Variants in TTC23L observed in about 807,000 individuals in gnomAD.
TTC23L encodes the protein tetratricopeptide repeat protein 23-like.
A neutral mutation model predicts 48.1 loss-of-function variants in TTC23L; 42 were observed. The ratio of observed to expected loss-of-function variants is 0.87; its 90% CI spans 0.68 to 1.13. TTC23L has a LOEUF of 1.13. Among genes scored for constraint, TTC23L ranks in the 50% most tolerant of loss-of-function variants. The pLI, the probability that TTC23L is intolerant of heterozygous loss-of-function variation, is 0.00. For synonymous variants in TTC23L, 159 were observed against 157.2 expected (o/e 1.01, Z -0.09); for missense variants, 391 against 421.0 (o/e 0.93, Z 0.62).
At chr5:34,872,195 G>A (rs185429064) in intron 8 of TTC23L, among the ~76,000 whole-genome samples, 24 of 152,194 alleles carry the variant, frequency 1.6e-4, no homozygotes, top group Middle Eastern at 3.4e-3. Context: ...GGCTGAAATA[G>A]GAGGATTGCT....
downstream of TTC23L, among the ~76,000 whole-genome samples, chr5:34,902,628 A>C (rs1340124892): frequency 6.6e-6 from 1 of 152,174 alleles, no homozygotes; most frequent in East Asian, 1.9e-4. Flanking sequence ...GCTGTGGCAG[A>C]AGCACACATA....
chr5:34,873,092 C>T (rs1168772583), intron 8 of TTC23L, among the ~76,000 whole-genome samples: 2 of 151,604 alleles, frequency 1.3e-5, no homozygotes, highest in Non-Finnish European at 2.9e-5. Context: ...AAAAAAGGAC[C>T]GGACTATATC....
chr5:34,852,137 A>C (rs1759724931), intron 4 of TTC23L, among the ~76,000 whole-genome samples: 1 of 152,102 alleles, frequency 6.6e-6, no homozygotes, highest in Admixed American at 6.6e-5. Context: ...CTCCCACCTC[A>C]GCCTCCCAAA....
At chr5:34,910,034 C>T in the TTC23L span, among the ~76,000 whole-genome samples, 3 of 152,078 alleles carry the variant, frequency 2.0e-5, no homozygotes, top group African/African-American at 4.8e-5. Context: ...TCTCTCTGAC[C>T]CGTCTCATCC....
chr5:34,922,188 T>G, the TTC23L span: 10 of 1,284,052 alleles, frequency 7.8e-6, no homozygotes, highest in Non-Finnish European at 1.1e-5. Flanking sequence ...TATTATCTAC[T>G]TCATTTTCCT....
chr5:34,911,949 G>C, the TTC23L span: 1 of 1,029,330 alleles, frequency 9.7e-7, no homozygotes, highest in Non-Finnish European at 1.4e-6. Context: ...CTCATAAAAA[G>C]GGATGACATC....
intron 4 of TTC23L, 51 bp downstream of exon 4, chr5:34,850,359 C>G: frequency 6.2e-7 from 1 of 1,609,518 alleles, no homozygotes. Flanking sequence ...GAAGGCTGAA[C>G]TGACCCACAC....
At chr5:34,880,240 G>C in exon 9 of TTC23L, 1 of 1,613,602 alleles carries the variant, frequency 6.2e-7, no homozygotes, top group Non-Finnish European at 8.5e-7. Context: ...ATTGGGCTCA[G>C]AGGATTTTGA....
chr5:34,891,776 G>A (rs1762881539), intron 9 of TTC23L, among the ~76,000 whole-genome samples: 1 of 152,186 alleles, frequency 6.6e-6, no homozygotes, highest in African/African-American at 2.4e-5. Context: ...TAATTCTTCG[G>A]TAGCCTGAGG....
At chr5:34,924,342 C>A in the TTC23L span, among the ~76,000 whole-genome samples, 1 of 152,178 alleles carries the variant, frequency 6.6e-6, no homozygotes, top group East Asian at 1.9e-4. Flanking sequence ...GGTAGACATG[C>A]CTGAACTAAT....
chr5:34,904,196 C>A (rs1763577473), downstream of TTC23L, among the ~76,000 whole-genome samples: 1 of 151,634 alleles, frequency 6.6e-6, no homozygotes, highest in Admixed American at 6.6e-5. Flanking sequence ...CTCAAAACTC[C>A]TGGGCTAAAA....
chr5:34,852,918 A>G (rs1759796072), intron 4 of TTC23L, among the ~76,000 whole-genome samples: 1 of 152,214 alleles, frequency 6.6e-6, no homozygotes. Flanking sequence ...GAGATCATGC[A>G]GAGGAACTGC....
In TTC23L at chr5:34,880,323, T is replaced by C; in HGVS notation, c.1077+15T>C. ...GAGAAAAACAGGTAAATATGATCAA[T>C]GCATAAACAGAATTGCTAGTTTGTT... is the stretch of plus-strand genomic sequence containing the variant. On this transcript the variant is annotated intron_variant, in intron 9 of 10. Transcript: ENST00000505624. 2 of 1,595,746 alleles carry C rather than the reference T, an allele frequency of 1.3e-6. No individual in the cohort carries two copies. The highest frequency in any genetic ancestry group is 1.7e-6 in the Non-Finnish European group (2 of 1,173,356).
At chr5:34,879,069 TA>T (rs1323981054) in intron 8 of TTC23L, among the ~76,000 whole-genome samples, 1 of 152,196 alleles carries the variant, frequency 6.6e-6, no homozygotes, top group Non-Finnish European at 1.5e-5. Context: ...TGAAAGTCAT[TA>T]TCTTAAGTGA....
At chr5:34,869,381 C>CT in intron 8 of TTC23L, 1 of 179,280 alleles carries the variant, frequency 5.6e-6, no homozygotes, top group Admixed American at 5.5e-5. Context: ...TTTCAGTCTC[C>CT]TTGACTCTTT....
At chr5:34,925,057 A>C in the TTC23L span, 1 of 1,521,706 alleles carries the variant, frequency 6.6e-7, no homozygotes, top group Non-Finnish European at 8.8e-7. Flanking sequence ...TTGCTGTTTT[A>C]TTACCTGTGA....
At chr5:34,875,130 A>G (rs2111574169) in intron 8 of TTC23L, among the ~76,000 whole-genome samples, 1 of 152,314 alleles carries the variant, frequency 6.6e-6, no homozygotes, top group South Asian at 2.1e-4. Context: ...ACATATGATA[A>G]AGGGGTCAGT....
the TTC23L span, chr5:34,909,316 A>C: frequency 1.7e-5 from 27 of 1,611,402 alleles, no homozygotes; most frequent in African/African-American, 5.3e-5. Flanking sequence ...TCTTTGGGAT[A>C]GTCAAGGTGG....
downstream of TTC23L, among the ~76,000 whole-genome samples, chr5:34,899,845 A>G (rs186334918): frequency 1.4e-3 from 214 of 152,304 alleles, no homozygotes; most frequent in African/African-American, 4.2e-3. Context: ...AACTGGGATC[A>G]TGCCACTGCA....
Sources: gnomAD v4.1 joint callset for allele counts (sites outside exome capture counted in the v4.1 genomes callset) on GRCh38, gnomAD v4.1.1 for gene constraint, MANE v1.5 for transcripts, NCBI Gene and HGNC (gene_info 2026-07-23, HGNC 2026-07-21) for gene names.